Variants in SDK1 observed in about 807,000 individuals in gnomAD.
SDK1 encodes the protein sidekick cell adhesion molecule 1, also known as protein sidekick-1.
In SDK1, 157 loss-of-function variants were observed where a neutral mutation model predicts 245.5. The ratio of observed to expected loss-of-function variants is 0.64; its 90% confidence interval spans 0.56 to 0.73. The LOEUF (loss-of-function observed/expected upper bound fraction) is 0.73. Ranked by LOEUF, SDK1 falls within the 30% of genes least tolerant of loss-of-function variation. The pLI, the probability that SDK1 is intolerant of heterozygous loss-of-function variation, is 0.00. For synonymous variants in SDK1, 1,647 were observed against 1,278.5 expected (o/e 1.29, Z -6.15); for missense variants, 3,583 against 3,002.3 (o/e 1.19, Z -4.52).
intron 1 of SDK1, among the ~76,000 whole-genome samples, chr7:3,572,298 G>C (rs1475186410): frequency 1.3e-5 from 2 of 152,032 alleles, no homozygotes; most frequent in Non-Finnish European, 2.9e-5. Context: ...CAAGTAAGGT[G>C]TTTTTGATTG....
chr7:3,776,035 T>C (rs1001041831), intron 4 of SDK1, among the ~76,000 whole-genome samples: 3 of 152,210 alleles, frequency 2.0e-5, no homozygotes, highest in Non-Finnish European at 2.9e-5. Flanking sequence ...CACCCTGCAT[T>C]GTCCACAGGA....
At chr7:3,655,219 A>G (rs1783124775) in intron 4 of SDK1, among the ~76,000 whole-genome samples, 1 of 151,518 alleles carries the variant, frequency 6.6e-6, no homozygotes, top group African/African-American at 2.4e-5. Flanking sequence ...AGATCATCTG[A>G]GGTTGGGAGT....
chr7:3,654,427 G>A (rs1018700486), intron 4 of SDK1, among the ~76,000 whole-genome samples: 1 of 152,110 alleles, frequency 6.6e-6, no homozygotes, highest in African/African-American at 2.4e-5. Context: ...AGCGAGAGGT[G>A]GACTCCGATG....
intron 22 of SDK1, among the ~76,000 whole-genome samples, chr7:4,085,518 T>G (rs1562787944): frequency 6.6e-6 from 1 of 152,200 alleles, no homozygotes; most frequent in East Asian, 1.9e-4. Flanking sequence ...TGCTTCAATT[T>G]TTAGCACTGA....
chr7:3,462,697 T>G (rs1166091126), intron 1 of SDK1, among the ~76,000 whole-genome samples: 1 of 152,100 alleles, frequency 6.6e-6, no homozygotes, highest in Admixed American at 6.6e-5. Flanking sequence ...ACTCCACTTA[T>G]CACCATATTT....
intron 4 of SDK1, among the ~76,000 whole-genome samples, chr7:3,725,052 A>G (rs143906753): frequency 1.6e-3 from 242 of 152,348 alleles, no homozygotes; most frequent in Admixed American, 4.1e-3. Flanking sequence ...TCCTGATTCA[A>G]TGTGAATGGG....
intron 1 of SDK1, among the ~76,000 whole-genome samples, chr7:3,412,140 T>G (rs1257377037): frequency 1.3e-5 from 2 of 152,132 alleles, no homozygotes; most frequent in Non-Finnish European, 2.9e-5. Context: ...AGAGCTAGAT[T>G]TAGGGGTGTA....
intron 4 of SDK1, among the ~76,000 whole-genome samples, chr7:3,761,066 G>C (rs1780082363): frequency 6.6e-6 from 1 of 152,192 alleles, no homozygotes; most frequent in Non-Finnish European, 1.5e-5. Context: ...ATACGTAGGA[G>C]TGGGTCAGAT....
At chr7:3,800,533 C>A (rs1231735483) in intron 4 of SDK1, among the ~76,000 whole-genome samples, 2 of 152,178 alleles carry the variant, frequency 1.3e-5, no homozygotes, top group Middle Eastern at 3.4e-3. Context: ...AGGTGCCCAC[C>A]ACCACACCCG....
At chr7:3,553,246 A>G (rs1023705563) in intron 1 of SDK1, among the ~76,000 whole-genome samples, 1 of 152,198 alleles carries the variant, frequency 6.6e-6, no homozygotes, top group Non-Finnish European at 1.5e-5. Flanking sequence ...TGTTCATAGC[A>G]ATCTAGGAGG....
At chr7:3,330,603 C>T (rs769811460) in intron 1 of SDK1, among the ~76,000 whole-genome samples, 7 of 152,100 alleles carry the variant, frequency 4.6e-5, no homozygotes, top group Non-Finnish European at 1.0e-4. Flanking sequence ...GGAAGGCCCT[C>T]ACCAGATGCC....
intron 5 of SDK1, among the ~76,000 whole-genome samples, chr7:3,912,100 G>C (rs1779189745): frequency 6.6e-6 from 1 of 152,182 alleles, no homozygotes; most frequent in Non-Finnish European, 1.5e-5. Context: ...CCAAACTACA[G>C]AGGAGCTTGA....
intron 13 of SDK1, 79 bp downstream of exon 13, chr7:3,974,624 C>G: frequency 1.5e-6 from 2 of 1,377,428 alleles, no homozygotes; most frequent in Non-Finnish European, 2.0e-6. Context: ...TGCCACTTCA[C>G]AAGTGTCACG....
intron 1 of SDK1, among the ~76,000 whole-genome samples, chr7:3,529,435 A>G (rs1783267260): frequency 6.6e-6 from 1 of 152,212 alleles, no homozygotes; most frequent in Non-Finnish European, 1.5e-5. Flanking sequence ...GGAGCCTTTC[A>G]AGTTACAGGT....
chr7:3,520,976 C>G (rs1411753148), intron 1 of SDK1, among the ~76,000 whole-genome samples: 1 of 152,208 alleles, frequency 6.6e-6, no homozygotes, highest in East Asian at 1.9e-4. Flanking sequence ...CCTCTGCCCT[C>G]TCACAAGGCC....
intron 44 of SDK1, among the ~76,000 whole-genome samples, chr7:4,248,577 T>G (rs1296742638): frequency 6.6e-6 from 1 of 151,852 alleles, no homozygotes; most frequent in East Asian, 1.9e-4. Flanking sequence ...CCTGAATACA[T>G]GCACACACAT....
intron 1 of SDK1, among the ~76,000 whole-genome samples, chr7:3,568,292 C>G (rs567629489): frequency 2.0e-5 from 3 of 152,194 alleles, no homozygotes; most frequent in East Asian, 1.9e-4. Flanking sequence ...CTTTAGGTAA[C>G]TGATATACTC....
At chr7:3,978,946 T>G (rs1291280589) in intron 13 of SDK1, among the ~76,000 whole-genome samples, 1 of 152,226 alleles carries the variant, frequency 6.6e-6, no homozygotes, top group Non-Finnish European at 1.5e-5. Flanking sequence ...CGTTGGCCTC[T>G]TCTCACGTCT....
At chr7:3,338,556 G>A in intron 1 of SDK1, 1 of 346,120 alleles carries the variant, frequency 2.9e-6, no homozygotes, top group Non-Finnish European at 5.5e-6. Context: ...GCAGTGGAGA[G>A]GAACCTGAGC....
Sources: allele counts gnomAD v4.1 joint callset (sites outside exome capture counted in the v4.1 genomes callset), GRCh38; gene constraint gnomAD v4.1.1; transcripts MANE v1.5; gene names NCBI Gene and HGNC (gene_info 2026-07-23, HGNC 2026-07-21).